Variants in LRRTM4 observed in about 807,000 individuals in gnomAD.
The protein encoded by LRRTM4 is leucine rich repeat transmembrane neuronal 4.
LRRTM4 carries 25 observed loss-of-function variants against 47.6 expected under a neutral mutation model. That is an observed-to-expected ratio of 0.53 (90% confidence interval 0.38 to 0.73). The LOEUF (loss-of-function observed/expected upper bound fraction) is 0.73, where lower values mean the gene tolerates loss of function less well. Ranked by LOEUF, LRRTM4 falls within the 30% of genes least tolerant of loss-of-function variation. LRRTM4 has a pLI of 0.00. For missense variants in LRRTM4, 638 were observed against 713.4 expected, an observed-to-expected ratio of 0.89 and a Z score of 1.20; for synonymous variants, 311 against 269.5, an observed-to-expected ratio of 1.15 and a Z score of -1.51.
At chr2:77,316,911 C>A (rs1405550116) in intron 3 of LRRTM4, among the ~76,000 whole-genome samples, 1 of 152,160 alleles carries the variant, frequency 6.6e-6, no homozygotes, top group African/African-American at 2.4e-5. Context: ...GCCTGCCTTG[C>A]AATTCTACTT....
At chr2:76,762,912 ACTAGTGTCTTTTCACTT>A (rs1157588625) in intron 3 of LRRTM4, among the ~76,000 whole-genome samples, 1 of 152,210 alleles carries the variant, frequency 6.6e-6, no homozygotes, top group Non-Finnish European at 1.5e-5. Flanking sequence ...TCAACAAGCT[ACTAGTGTCTTTTCACTT>A]CTATCCCCTT....
At chr2:77,178,796 T>C (rs1673270794) in intron 3 of LRRTM4, among the ~76,000 whole-genome samples, 1 of 152,200 alleles carries the variant, frequency 6.6e-6, no homozygotes, top group South Asian at 2.1e-4. Context: ...GTCTTAGTTA[T>C]TTCCCTAATA....
chr2:76,972,250 A>G (rs1031236698), intron 3 of LRRTM4, among the ~76,000 whole-genome samples: 11 of 151,962 alleles, frequency 7.2e-5, no homozygotes, highest in Non-Finnish European at 7.4e-5. Flanking sequence ...GATGAGAGGA[A>G]GTAGCTGGGC....
At chr2:77,294,196 A>G (rs1215771549) in intron 3 of LRRTM4, among the ~76,000 whole-genome samples, 2 of 152,024 alleles carry the variant, frequency 1.3e-5, no homozygotes, top group Non-Finnish European at 2.9e-5. Flanking sequence ...TCTACTTCAG[A>G]TGGCACGCAG....
intron 3 of LRRTM4, among the ~76,000 whole-genome samples, chr2:77,014,592 G>A (rs925780135): frequency 5.2e-4 from 78 of 151,412 alleles, no homozygotes; most frequent in African/African-American, 1.8e-3. Context: ...TAGGCAGATC[G>A]CCTGAGGTCA....
intron 3 of LRRTM4, among the ~76,000 whole-genome samples, chr2:77,001,710 G>C (rs572527349): frequency 6.6e-6 from 1 of 152,016 alleles, no homozygotes; most frequent in Admixed American, 6.6e-5. Flanking sequence ...ACTCAATTGC[G>C]AGAGACACTG....
intron 3 of LRRTM4, among the ~76,000 whole-genome samples, chr2:77,428,535 C>T (rs904785760): frequency 1.3e-5 from 2 of 152,156 alleles, no homozygotes; most frequent in Non-Finnish European, 2.9e-5. Flanking sequence ...GAGAAGGACT[C>T]TTAGCCCACA....
chr2:77,102,420 C>G (rs977371721), intron 3 of LRRTM4, among the ~76,000 whole-genome samples: 16 of 152,196 alleles, frequency 1.1e-4, no homozygotes, highest in African/African-American at 3.6e-4. Context: ...CTTCAGAGTT[C>G]TTTTTCTGCT....
At chr2:76,774,579 A>G (rs1489809769) in intron 3 of LRRTM4, among the ~76,000 whole-genome samples, 3 of 152,174 alleles carry the variant, frequency 2.0e-5, no homozygotes, top group Non-Finnish European at 4.4e-5. Context: ...AAAGAGCTTC[A>G]TCCTTATTAT....
chr2:77,439,530 T>C (rs1411518067), intron 3 of LRRTM4, among the ~76,000 whole-genome samples: 4 of 152,048 alleles, frequency 2.6e-5, no homozygotes, highest in Non-Finnish European at 5.9e-5. Context: ...AAGAAATCTG[T>C]ACAAAAAAAA....
At chr2:77,353,989 T>C (rs1413179314) in intron 3 of LRRTM4, among the ~76,000 whole-genome samples, 3 of 152,104 alleles carry the variant, frequency 2.0e-5, no homozygotes, top group African/African-American at 7.2e-5. Context: ...GTGCTGAGAG[T>C]AGCAACTCAG....
intron 3 of LRRTM4, among the ~76,000 whole-genome samples, chr2:77,175,947 C>G (rs1046285712): frequency 6.6e-6 from 1 of 151,390 alleles, no homozygotes; most frequent in African/African-American, 2.4e-5. Context: ...GCATGAGCCA[C>G]TGCGCCCGCT....
intron 3 of LRRTM4, among the ~76,000 whole-genome samples, chr2:77,480,822 G>GTGTGTGTGTGTGT (rs1222517611): frequency 1.3e-5 from 1 of 74,520 alleles, no homozygotes; most frequent in African/African-American, 6.1e-5. Flanking sequence ...GTGTGTGTGT[G>GTGTGTGTGTGTGT]GAGAGAGAGA....
intron 3 of LRRTM4, among the ~76,000 whole-genome samples, chr2:77,376,507 A>C (rs1053688848): frequency 1.3e-5 from 2 of 150,824 alleles, no homozygotes; most frequent in Non-Finnish European, 1.5e-5. Flanking sequence ...AACATCCTGT[A>C]ATCTGTGACA....
chr2:76,914,014 T>C (rs1037645232), intron 3 of LRRTM4, among the ~76,000 whole-genome samples: 7 of 151,690 alleles, frequency 4.6e-5, no homozygotes, highest in African/African-American at 1.4e-4. Context: ...ATTAAAGATA[T>C]AAAATTTAAA....
intron 3 of LRRTM4, among the ~76,000 whole-genome samples, chr2:77,052,873 C>T (rs899070407): frequency 6.6e-5 from 10 of 151,850 alleles, no homozygotes; most frequent in Admixed American, 3.9e-4. Context: ...TGATTTTCTT[C>T]AGGGCATATA....
At chr2:77,366,623 A>T (rs1672472768) in intron 3 of LRRTM4, among the ~76,000 whole-genome samples, 1 of 151,744 alleles carries the variant, frequency 6.6e-6, no homozygotes, top group African/African-American at 2.4e-5. Flanking sequence ...TAAATCCATA[A>T]TCCCTCTTAC....
Position 77,140,398 on chromosome 2 carries a change from G to T in LRRTM4, c.1551+377920C>A, listed in dbSNP as rs189302039. On this transcript the variant is annotated intron_variant, in intron 3 of 3. Coordinates refer to ENST00000409884, the MANE Select transcript of LRRTM4 (RefSeq NM_001134745.3). Reference sequence around the variant, plus strand: ...AAAAGGATTCCCTAATTAATAAATGGTGCTGGGAAAACTGGCTAGCCATAT... The same window carrying T: ...AAAAGGATTCCCTAATTAATAAATGTTGCTGGGAAAACTGGCTAGCCATAT... Among the ~76,000 whole-genome samples, 21 of 152,214 alleles carry T rather than the reference G, an allele frequency of 1.4e-4. No individual in the cohort carries two copies. The East Asian group carries it at 2.1e-3, about 15-fold the overall frequency.
chr2:77,004,949 T>C (rs1000626216), intron 3 of LRRTM4, among the ~76,000 whole-genome samples: 2 of 152,176 alleles, frequency 1.3e-5, no homozygotes, highest in African/African-American at 4.8e-5. Context: ...CCAACTTATC[T>C]CATTTGGAAT....
Sources: allele counts gnomAD v4.1 joint callset (sites outside exome capture counted in the v4.1 genomes callset), GRCh38; gene constraint gnomAD v4.1.1; transcripts MANE v1.5; gene names NCBI Gene and HGNC (gene_info 2026-07-23, HGNC 2026-07-21).